Variants in SEMA5A observed in about 807,000 individuals in gnomAD.
The protein encoded by SEMA5A is semaphorin 5A.
Under a neutral mutation model 135.5 loss-of-function variants are expected in SEMA5A, and 55 were observed. The observed-to-expected ratio is 0.41, with a 90% CI of 0.33 to 0.51. The LOEUF (loss-of-function observed/expected upper bound fraction) is 0.51. Among genes scored for constraint, SEMA5A ranks in the 20% least tolerant of loss-of-function variants. SEMA5A has a pLI of 0.37. For missense variants in SEMA5A, 1,290 were observed against 1,419.9 expected (o/e 0.91, Z 1.47); for synonymous variants, 580 against 546.5 (o/e 1.06, Z -0.85).
At position 9,038,731 on chromosome 5, in the gene SEMA5A, C is replaced by CTT. The variant is rs10695963; in HGVS notation, c.*4164_*4165dup. The CTT allele has an allele frequency of 0.71, 100,103 of 140,534 alleles. 36,464 individuals carry two copies. The highest frequency in any genetic ancestry group is 0.91 in the East Asian group (4,316 of 4,750). The allele number at this position is 140,534 out of a possible 1,614,324, so 8.7% of individuals were successfully genotyped here. On this transcript the variant is annotated 3_prime_UTR_variant, in exon 23 of 23. Coordinates refer to ENST00000382496, the MANE Select transcript of SEMA5A (RefSeq NM_003966.3). Reference sequence around the variant, plus strand: ...AGAGACCCCCCGCTAAGACTTTGTTCTTTTTTTTTTTTTTTGAGACAGGGT... The same window carrying CTT: ...AGAGACCCCCCGCTAAGACTTTGTTCTTTTTTTTTTTTTTTTTGAGACAGGGT...
intron 3 of SEMA5A, among the ~76,000 whole-genome samples, chr5:9,368,859 C>T (rs951317748): frequency 2.6e-5 from 4 of 152,114 alleles, no homozygotes; most frequent in African/African-American, 7.2e-5. Flanking sequence ...CCCTTGGATA[C>T]AAATCTTTCT....
intron 5 of SEMA5A, among the ~76,000 whole-genome samples, chr5:9,266,133 G>A (rs1749673520): frequency 6.6e-6 from 1 of 152,190 alleles, no homozygotes; most frequent in African/African-American, 2.4e-5. Context: ...CTGCCTTGAG[G>A]GCATTTTAGG....
At chr5:9,502,932 C>A (rs898967663) in intron 1 of SEMA5A, among the ~76,000 whole-genome samples, 1 of 152,120 alleles carries the variant, frequency 6.6e-6, no homozygotes, top group Admixed American at 6.5e-5. Flanking sequence ...GATATTTTCC[C>A]AAAGGGATGG....
intron 2 of SEMA5A, among the ~76,000 whole-genome samples, chr5:9,389,046 C>A (rs548989042): frequency 6.6e-6 from 1 of 152,322 alleles, no homozygotes; most frequent in African/African-American, 2.4e-5. Flanking sequence ...TGTCATCAGT[C>A]TGGTCAACAT....
chr5:9,216,997 T>C (rs1414204596), intron 8 of SEMA5A, among the ~76,000 whole-genome samples: 1 of 152,190 alleles, frequency 6.6e-6, no homozygotes, highest in Non-Finnish European at 1.5e-5. Flanking sequence ...TTAGTATTGA[T>C]ATGCATGGAT....
intron 6 of SEMA5A, among the ~76,000 whole-genome samples, chr5:9,228,723 T>C (rs985627374): frequency 6.6e-6 from 1 of 152,198 alleles, no homozygotes; most frequent in African/African-American, 2.4e-5. Context: ...AAAGCCAGAA[T>C]AGTGAGTCAA....
At chr5:9,109,073 C>G (rs1740094903) in intron 15 of SEMA5A, among the ~76,000 whole-genome samples, 2 of 110,154 alleles carry the variant, frequency 1.8e-5, no homozygotes, top group Non-Finnish European at 3.4e-5. Flanking sequence ...CGGAGTCTCG[C>G]TCTGTCGCCC....
intron 11 of SEMA5A, among the ~76,000 whole-genome samples, chr5:9,180,534 T>C (rs1744446980): frequency 6.6e-6 from 1 of 152,194 alleles, no homozygotes; most frequent in Admixed American, 6.5e-5. Context: ...ATGATAGTTT[T>C]TCACAAGTTA....
intron 16 of SEMA5A, among the ~76,000 whole-genome samples, chr5:9,099,607 T>C (rs958564593): frequency 4.6e-5 from 7 of 152,188 alleles, no homozygotes; most frequent in Non-Finnish European, 1.0e-4. Flanking sequence ...CTCCATCAGA[T>C]ACAGCAATTA....
chr5:9,058,092 C>T (rs1246606380), intron 18 of SEMA5A, among the ~76,000 whole-genome samples: 16 of 152,132 alleles, frequency 1.1e-4, no homozygotes, highest in Admixed American at 1.0e-3. Context: ...TGTCAGGGGC[C>T]TGAGTGAGGC....
At chr5:9,163,074 T>C (rs1459853419) in intron 11 of SEMA5A, among the ~76,000 whole-genome samples, 1 of 152,142 alleles carries the variant, frequency 6.6e-6, no homozygotes, top group Non-Finnish European at 1.5e-5. Flanking sequence ...CAGGAAAAGA[T>C]GCAGCTGTGA....
At chr5:9,531,097 A>G (rs1052171323) in intron 1 of SEMA5A, among the ~76,000 whole-genome samples, 3 of 152,070 alleles carry the variant, frequency 2.0e-5, no homozygotes, top group Non-Finnish European at 2.9e-5. Context: ...GTCCCTAAAA[A>G]ACTCCAGGAA....
At chr5:9,495,526 C>T (rs1735259675) in intron 1 of SEMA5A, among the ~76,000 whole-genome samples, 1 of 152,126 alleles carries the variant, frequency 6.6e-6, no homozygotes, top group African/African-American at 2.4e-5. Flanking sequence ...CCTACTAGTG[C>T]CAGGCCCTGT....
At chr5:9,380,215 C>A in intron 2 of SEMA5A, 192 bp from the exon 3 acceptor site, 2 of 402,720 alleles carry the variant, frequency 5.0e-6, no homozygotes, top group Non-Finnish European at 9.0e-6. Flanking sequence ...TGCGTGAGTG[C>A]GTGTATCTCA....
intron 3 of SEMA5A, among the ~76,000 whole-genome samples, chr5:9,353,776 T>C (rs2696372): frequency 0.65 from 99,408 of 151,874 alleles, 33,643 homozygotes; most frequent in South Asian, 0.76. Context: ...CTCCAGCTAA[T>C]TACTATACTT....
chr5:9,482,066 T>C (rs418768), intron 1 of SEMA5A, among the ~76,000 whole-genome samples: 64,441 of 152,070 alleles, frequency 0.42, 14,125 homozygotes, highest in Non-Finnish European at 0.46. Flanking sequence ...CAAAAATTAC[T>C]TTTGTCAACC....
At chr5:9,189,171 C>A (rs1024003722) in intron 11 of SEMA5A, among the ~76,000 whole-genome samples, 1 of 152,256 alleles carries the variant, frequency 6.6e-6, no homozygotes, top group African/African-American at 2.4e-5. Context: ...TCAATGCTAA[C>A]TAGCAAATGC....
At chr5:9,091,303 T>C (rs1739021286) in intron 16 of SEMA5A, among the ~76,000 whole-genome samples, 1 of 152,232 alleles carries the variant, frequency 6.6e-6, no homozygotes, top group African/African-American at 2.4e-5. Flanking sequence ...CAACGATTTG[T>C]ATCAGAATGA....
intron 13 of SEMA5A, among the ~76,000 whole-genome samples, chr5:9,127,357 T>C (rs1440704038): frequency 1.3e-5 from 2 of 152,206 alleles, no homozygotes; most frequent in Non-Finnish European, 2.9e-5. Flanking sequence ...ATTTCCAGTT[T>C]ACCTATTGTT....
Sources: allele counts gnomAD v4.1 joint callset (sites outside exome capture counted in the v4.1 genomes callset), GRCh38; gene constraint gnomAD v4.1.1; transcripts MANE v1.5; gene names NCBI Gene and HGNC (gene_info 2026-07-23, HGNC 2026-07-21).